LRIG1: variants seen among roughly 807,000 people sequenced by gnomAD.
LRIG1 encodes the protein leucine rich repeats and immunoglobulin like domains 1, also known as leucine-rich repeats and immunoglobulin-like domains protein 1.
In LRIG1, 48 loss-of-function variants were observed where a neutral mutation model predicts 99.2. The ratio of observed to expected loss-of-function variants is 0.48; its 90% CI spans 0.38 to 0.62. The LOEUF (loss-of-function observed/expected upper bound fraction) is 0.62, where lower values mean the gene tolerates loss of function less well. Among genes scored for constraint, LRIG1 ranks in the 20% least tolerant of loss-of-function variants. LRIG1 has a pLI of 0.00. For missense variants in LRIG1, 1,646 were observed against 1,434.4 expected, an observed-to-expected ratio of 1.15 and a Z score of -2.38; for synonymous variants, 772 against 596.1, an observed-to-expected ratio of 1.29 and a Z score of -4.30.
chr3:66,486,132 T>C (rs1039101565), intron 1 of LRIG1, among the ~76,000 whole-genome samples: 1 of 152,160 alleles, frequency 6.6e-6, no homozygotes, highest in African/African-American at 2.4e-5. Flanking sequence ...AACACAGATA[T>C]ATCCTGCTGC....
At chr3:66,451,734 T>A in intron 2 of LRIG1, 101 bp from the exon 3 acceptor site, 2 of 814,486 alleles carry the variant, frequency 2.5e-6, no homozygotes, top group Non-Finnish European at 4.0e-6. Context: ...TCTGCCACAG[T>A]AAACCTATAT....
At chr3:66,430,870 C>A (rs4856816) in intron 3 of LRIG1, among the ~76,000 whole-genome samples, 142,494 of 151,942 alleles carry the variant, frequency 0.94, 67,246 homozygotes, top group Non-Finnish European at 1. Context: ...TAGACACTTG[C>A]TTCTCTCTCA....
chr3:66,492,768 T>C (rs1701133851), intron 1 of LRIG1, among the ~76,000 whole-genome samples: 1 of 152,150 alleles, frequency 6.6e-6, no homozygotes, highest in African/African-American at 2.4e-5. Context: ...ATGAACAGAT[T>C]GGTTGTTCGC....
chr3:66,481,043 G>A (rs930819652), intron 1 of LRIG1, among the ~76,000 whole-genome samples: 1 of 152,168 alleles, frequency 6.6e-6, no homozygotes, highest in Non-Finnish European at 1.5e-5. Flanking sequence ...ATTAAAATTT[G>A]TTGAAGTTGA....
At chr3:66,381,143 G>A (rs1322623213) in intron 17 of LRIG1, among the ~76,000 whole-genome samples, 1 of 152,220 alleles carries the variant, frequency 6.6e-6, no homozygotes, top group Non-Finnish European at 1.5e-5. Flanking sequence ...GTACCATGCA[G>A]TGTTGGGTCT....
In LRIG1 at chr3:66,382,987, T is replaced by C. The variant is rs1303171325; in HGVS notation, c.2486A>G (p.Asn829Ser). 3 of 1,604,998 alleles carry C rather than the reference T, an allele frequency of 1.9e-6. No individual in the cohort carries two copies. The African/African-American group carries it at 4.0e-5, about 21-fold the overall frequency. Residue 829 changes from asparagine to serine, a missense_variant, in exon 15 of 19, where the codon AAC becomes AGC. By Grantham distance (46) the Asn-to-Ser change is conservative. Transcript: ENST00000273261. Reference protein sequence around the residue: ...RKKSEEYSVTNTDETVVPPDV... With the variant: ...RKKSEEYSVTSTDETVVPPDV... Reference sequence around the variant, plus strand: ...CTCCGCTGGCAGGGCCTGACCTGTGTTGGTGACACTGTACTCTTCACTCTT... The same window carrying C: ...CTCCGCTGGCAGGGCCTGACCTGTGCTGGTGACACTGTACTCTTCACTCTT...
intron 3 of LRIG1, among the ~76,000 whole-genome samples, chr3:66,429,830 G>A (rs534621688): frequency 1.3e-5 from 2 of 148,850 alleles, no homozygotes; most frequent in African/African-American, 5.0e-5. Context: ...GAGAAGAGAT[G>A]GCGGGGGCAT....
At chr3:66,431,092 G>C (rs548733061) in intron 3 of LRIG1, among the ~76,000 whole-genome samples, 5 of 152,200 alleles carry the variant, frequency 3.3e-5, no homozygotes, top group African/African-American at 4.8e-5. Context: ...GTGTCATGTG[G>C]AGCCAGCAAG....
At chr3:66,477,944 G>C (rs1389621629) in intron 1 of LRIG1, among the ~76,000 whole-genome samples, 1 of 152,106 alleles carries the variant, frequency 6.6e-6, no homozygotes. Flanking sequence ...TTAAACCTTG[G>C]GGGTATGAGT....
At chr3:66,399,534 A>T (rs1191408717) in intron 9 of LRIG1, among the ~76,000 whole-genome samples, 1 of 152,204 alleles carries the variant, frequency 6.6e-6, no homozygotes, top group Non-Finnish European at 1.5e-5. Context: ...GCACTTTGGG[A>T]GGCTGAGGCA....
chr3:66,489,683 A>G (rs1181143115), intron 1 of LRIG1, among the ~76,000 whole-genome samples: 1 of 152,204 alleles, frequency 6.6e-6, no homozygotes, highest in Non-Finnish European at 1.5e-5. Context: ...GAACCTAAAA[A>G]TGAGGGGTCT....
At chr3:66,422,885 A>G (rs549460839) in intron 3 of LRIG1, among the ~76,000 whole-genome samples, 1 of 152,366 alleles carries the variant, frequency 6.6e-6, no homozygotes, top group East Asian at 1.9e-4. Context: ...GAAGGCGAGG[A>G]GGAACAAATC....
intron 1 of LRIG1, among the ~76,000 whole-genome samples, chr3:66,499,598 C>A (rs1317403222): frequency 6.6e-6 from 1 of 152,142 alleles, no homozygotes; most frequent in Non-Finnish European, 1.5e-5. Flanking sequence ...CTGCCTTCTG[C>A]CCCGCACAGA....
chr3:66,493,103 TC>T (rs1225084716), intron 1 of LRIG1, among the ~76,000 whole-genome samples: 1 of 152,178 alleles, frequency 6.6e-6, no homozygotes, highest in Non-Finnish European at 1.5e-5. Flanking sequence ...CTCAAGGTTT[TC>T]CAAAGAGAAG....
intron 1 of LRIG1, among the ~76,000 whole-genome samples, chr3:66,464,836 C>T (rs944590388): frequency 1.3e-5 from 2 of 152,166 alleles, no homozygotes; most frequent in African/African-American, 4.8e-5. Context: ...AAAGAGCAGA[C>T]AAAATGTATT....
intron 3 of LRIG1, among the ~76,000 whole-genome samples, chr3:66,425,707 G>A (rs1390433306): frequency 6.6e-6 from 1 of 152,134 alleles, no homozygotes; most frequent in East Asian, 1.9e-4. Flanking sequence ...GGGGACCGGG[G>A]GAAGTGTGTG....
rs761447483 is a variant in LRIG1 at position 66,380,773 on chromosome 3, G to A, written c.2859C>T (p.Ser953=). 35 of 1,614,062 alleles carry A rather than the reference G, an allele frequency of 2.2e-5. No individual in the cohort carries two copies. Among genetic ancestry groups the A allele is most frequent in the African/African-American group, 2.7e-5 (2 of 74,928 alleles). ...GCGCACTTGGCTGTGCGCTGTCTCT[G>A]GACACAGGCTGGGGGTGGAAGGCTT... is the stretch of plus-strand genomic sequence containing the variant. ...RGQAFHPQPV[S]RDSAQPSAPN... Residue 953 remains serine, a synonymous_variant, in exon 18 of 19, where the codon TCC becomes TCT. Transcript: ENST00000273261.
Position 66,382,354 on chromosome 3 carries a change from G to A in LRIG1, c.2536C>T (p.Gln846Ter). The A allele has an allele frequency of 6.2e-7, 1 of 1,614,222 alleles. No individual in the cohort carries two copies. The highest frequency in any genetic ancestry group is 8.5e-7 in the Non-Finnish European group (1 of 1,180,026). The change falls in exon 16 of 19, where the codon CAG (glutamine) becomes TAG (stop). Residue 846 changes from glutamine (Q) to a stop codon, truncating the protein, a stop_gained. Transcript: ENST00000273261. LOFTEE classifies it high-confidence loss of function. The stretch of plus-strand genomic sequence containing the variant: ...TCTTGTCGGTCAGAAAGGGTCCCCT[G>A]AGAAGAGAGGTAGCTTGGAACATCT... ...PPDVPSYLSS[Q>*]GTLSDRQETV...
At chr3:66,423,377 G>C (rs1702880056) in intron 3 of LRIG1, among the ~76,000 whole-genome samples, 1 of 152,132 alleles carries the variant, frequency 6.6e-6, no homozygotes, top group South Asian at 2.1e-4. Context: ...TTTGAGACCA[G>C]CCTGACCAAC....
Sources: allele counts gnomAD v4.1 joint callset (sites outside exome capture counted in the v4.1 genomes callset), GRCh38; gene constraint gnomAD v4.1.1; transcripts MANE v1.5; gene names NCBI Gene and HGNC (gene_info 2026-07-23, HGNC 2026-07-21).